HAPSTR1: variants seen among roughly 807,000 people sequenced by gnomAD.
HAPSTR1 encodes HUWE1 associated protein modifying stress responses, also known as HUWE1-associated protein modifying stress responses 1.
chr16:9,093,053 G>T, the HAPSTR1 span: 140 of 1,523,944 alleles, frequency 9.2e-5, 2 homozygotes, highest in East Asian at 7.6e-4. Flanking sequence ...GCCTGCGTCA[G>T]GGTGTCTGCC....
the HAPSTR1 span, chr16:9,106,199 A>T: frequency 6.6e-6 from 1 of 152,206 alleles, no homozygotes; most frequent in Admixed American, 6.5e-5. Flanking sequence ...ACTTGAGGTC[A>T]GGAGTTTGAG....
chr16:9,117,273 T>G, the HAPSTR1 span: 100 of 212,840 alleles, frequency 4.7e-4, no homozygotes, highest in Admixed American at 1.1e-3. Flanking sequence ...TTTTTTTTTT[T>G]GGGTCCATTT....
the HAPSTR1 span, chr16:9,105,258 T>C: frequency 6.6e-6 from 1 of 152,236 alleles, no homozygotes; most frequent in African/African-American, 2.4e-5. Flanking sequence ...AGGCTTTGTC[T>C]AGGAAGAAAA....
At chr16:9,092,716 C>G in the HAPSTR1 span, among the ~76,000 whole-genome samples, 1 of 152,114 alleles carries the variant, frequency 6.6e-6, no homozygotes, top group Admixed American at 6.5e-5. Flanking sequence ...TCTGCGGCAT[C>G]CCCTTTTCCC....
At chr16:9,092,406 C>A in the HAPSTR1 span, 11 of 729,766 alleles carry the variant, frequency 1.5e-5, no homozygotes, top group African/African-American at 2.1e-4. Flanking sequence ...GGCTCCGCGG[C>A]CCTGCCGCCC....
chr16:9,093,119 T>A, the HAPSTR1 span: 1 of 1,015,588 alleles, frequency 9.8e-7, no homozygotes, highest in East Asian at 2.6e-5. Flanking sequence ...TTGAATACCT[T>A]GCAACTTGAG....
chr16:9,097,932 G>C, the HAPSTR1 span, among the ~76,000 whole-genome samples: 1 of 152,216 alleles, frequency 6.6e-6, no homozygotes, highest in Non-Finnish European at 1.5e-5. Context: ...TGTGGAGGGA[G>C]CTTCTCTCGA....
the HAPSTR1 span, chr16:9,113,018 G>GTTTTTTTTTTTT: frequency 7.9e-6 from 1 of 125,832 alleles, no homozygotes; most frequent in African/African-American, 3.1e-5. Context: ...TTTTTTTTTT[G>GTTTTTTTTTTTT]TTTTTTTTGT....
the HAPSTR1 span, chr16:9,112,249 CTT>C: frequency 3.3e-5 from 5 of 152,356 alleles, no homozygotes; most frequent in South Asian, 1.0e-3. Context: ...CAGAACACAA[CTT>C]TGTGCAAAAG....
the HAPSTR1 span, chr16:9,103,343 A>G: frequency 8.0e-5 from 112 of 1,404,096 alleles, no homozygotes; most frequent in Non-Finnish European, 1.1e-4. Context: ...GTTTAGGTCC[A>G]GATATACTGT....
the HAPSTR1 span, among the ~76,000 whole-genome samples, chr16:9,113,527 G>A: frequency 1.3e-5 from 2 of 152,126 alleles, no homozygotes; most frequent in Admixed American, 1.3e-4. Flanking sequence ...GGTATTAAAC[G>A]TGCTGCCATG....
At chr16:9,119,062 C>G in the HAPSTR1 span, 2 of 152,628 alleles carry the variant, frequency 1.3e-5, no homozygotes, top group African/African-American at 4.8e-5. Flanking sequence ...CTTCATTAAA[C>G]TTTTAGAAAA....
At chr16:9,098,371 C>T in the HAPSTR1 span, among the ~76,000 whole-genome samples, 4 of 152,148 alleles carry the variant, frequency 2.6e-5, no homozygotes, top group African/African-American at 7.2e-5. Flanking sequence ...GTTCCTGGTC[C>T]TTTGTTTTGT....
the HAPSTR1 span, chr16:9,113,273 C>T: frequency 6.6e-6 from 1 of 152,126 alleles, no homozygotes; most frequent in Non-Finnish European, 1.5e-5. Context: ...AATATTTTCA[C>T]TGCTATGAGA....
At chr16:9,094,573 C>T in the HAPSTR1 span, among the ~76,000 whole-genome samples, 1 of 151,972 alleles carries the variant, frequency 6.6e-6, no homozygotes, top group Non-Finnish European at 1.5e-5. Context: ...GTTTTTTCTC[C>T]TCCATCATGT....
At chr16:9,103,439 A>G in the HAPSTR1 span, 1 of 622,668 alleles carries the variant, frequency 1.6e-6, no homozygotes, top group African/African-American at 1.8e-5. Flanking sequence ...TCTGTCAGCT[A>G]ACCTATCCTA....
the HAPSTR1 span, among the ~76,000 whole-genome samples, chr16:9,095,644 A>G: frequency 3.9e-5 from 6 of 152,062 alleles, no homozygotes; most frequent in Non-Finnish European, 4.4e-5. Flanking sequence ...GTCAGGATTG[A>G]GATTAAAAAC....
the HAPSTR1 span, chr16:9,108,032 A>G: frequency 6.6e-6 from 1 of 152,230 alleles, no homozygotes; most frequent in Non-Finnish European, 1.5e-5. Flanking sequence ...AGCTACAATC[A>G]GGGAATAATG....
the HAPSTR1 span, chr16:9,104,507 T>G: frequency 6.6e-6 from 1 of 152,264 alleles, no homozygotes; most frequent in Admixed American, 6.5e-5. Flanking sequence ...AGAAACTTTA[T>G]AGACGTTGAA....
Sources: allele counts gnomAD v4.1 joint callset (sites outside exome capture counted in the v4.1 genomes callset), GRCh38; gene constraint gnomAD v4.1.1; transcripts MANE v1.5; gene names NCBI Gene and HGNC (gene_info 2026-07-23, HGNC 2026-07-21).